Variants in C11orf71 observed in about 807,000 individuals in gnomAD.
C11orf71 encodes chromosome 11 open reading frame 71, also known as uncharacterized protein C11orf71.
For missense variants in C11orf71, 179 were observed against 167.6 expected (o/e 1.07, Z -0.38); for synonymous variants, 72 against 73.4 (o/e 0.98, Z 0.09).
At chr11:114,394,277 C>CTTTTCTCTTA (rs1946110202), downstream of C11orf71, among the ~76,000 whole-genome samples, 2 of 69,010 alleles carry the variant, frequency 2.9e-5, no homozygotes, top group Non-Finnish European at 5.2e-5. Context: ...CTTTTCTTTT[C>CTTTTCTCTTA]TTTTCTTTTC....
intron 1 of C11orf71, among the ~76,000 whole-genome samples, chr11:114,392,368 T>C (rs1946079322): frequency 6.6e-6 from 1 of 151,436 alleles, no homozygotes; most frequent in African/African-American, 2.4e-5. Flanking sequence ...TGAAATCCCG[T>C]CTCTACTAAA....
downstream of C11orf71, among the ~76,000 whole-genome samples, chr11:114,395,688 C>A (rs1310983605): frequency 6.6e-6 from 1 of 152,160 alleles, no homozygotes; most frequent in Non-Finnish European, 1.5e-5. Context: ...TTGCACTCAC[C>A]TGTATTCATC....
downstream of C11orf71, among the ~76,000 whole-genome samples, chr11:114,394,435 C>G (rs1207846903): frequency 6.6e-6 from 1 of 151,964 alleles, no homozygotes; most frequent in Non-Finnish European, 1.5e-5. Context: ...GCTGGGATTA[C>G]AGGCACCTGC....
At position 114,392,688 on chromosome 11, in the gene C11orf71, C is replaced by T. The variant is rs73554011; in HGVS notation, c.344-1023G>A. ...CAAGGTTACAGTGAGCCATGATCAC[C>T]GCACTGCACCCCAGAGCCTGAGCAA... On this transcript the variant is annotated intron_variant, in intron 1 of 1. Transcript: ENST00000325636. Among the ~76,000 whole-genome samples the T allele has an allele frequency of 9.8e-3, 1,469 of 150,492 alleles. 30 individuals are homozygous for T. Among genetic ancestry groups the T allele is most frequent in the African/African-American group, 0.034 (1,390 of 40,906 alleles).
At chr11:114,391,483 T>A (rs1324747784) in exon 2 of C11orf71, 3 of 717,574 alleles carry the variant, frequency 4.2e-6, no homozygotes, top group African/African-American at 1.8e-5. Flanking sequence ...TTCATTCATA[T>A]AGGTAAGATC....
rs201187097 is a variant in C11orf71, at chr11:114,391,715, C to T, written c.344-50G>A. The T allele has an allele frequency of 1.5e-3, 1,171 of 756,258 alleles. 3 individuals carry two copies. The highest frequency in any genetic ancestry group is 8.4e-3 in the Middle Eastern group (35 of 4,156). The allele number at this position is 756,258 out of a possible 1,614,324, so 46.8% of individuals were successfully genotyped here. On this transcript the variant is annotated intron_variant, in intron 1 of 1. Transcript: ENST00000325636. ...ATAAGATGGCAGGGAGTGGTGGTAA[C>T]CAAAAATGCATGTCCCAGCAAAAGG... is the stretch of plus-strand genomic sequence containing the variant.
downstream of C11orf71, among the ~76,000 whole-genome samples, chr11:114,394,179 G>GTTTCTTTTCTTTTCT (rs1226365240): frequency 5.6e-3 from 448 of 80,200 alleles, 16 homozygotes; most frequent in South Asian, 0.014. Flanking sequence ...ACGGGGTTTC[G>GTTTCTTTTCTTTTCT]TTTCTTTTCT....
downstream of C11orf71, among the ~76,000 whole-genome samples, chr11:114,394,262 C>CTTTTCTTTTCTT (rs1946107679): frequency 7.8e-4 from 51 of 65,162 alleles, 2 homozygotes; most frequent in Admixed American, 8.7e-3. Flanking sequence ...CTTTTCTTTT[C>CTTTTCTTTTCTT]TTTTCTTTTC....
downstream of C11orf71, among the ~76,000 whole-genome samples, chr11:114,393,851 G>T (rs982582655): frequency 3.9e-5 from 6 of 152,156 alleles, no homozygotes; most frequent in Admixed American, 2.6e-4. Flanking sequence ...ATTTTTACCT[G>T]TTGGACCACA....
At chr11:114,397,861 T>A (rs548561048), downstream of C11orf71, among the ~76,000 whole-genome samples, 24 of 152,334 alleles carry the variant, frequency 1.6e-4, no homozygotes, top group South Asian at 3.3e-3. Flanking sequence ...AGTGCCCTCA[T>A]TTGCTGATAT....
chr11:114,393,181 A>T (rs1218320934), intron 1 of C11orf71, among the ~76,000 whole-genome samples: 1 of 152,254 alleles, frequency 6.6e-6, no homozygotes, highest in Non-Finnish European at 1.5e-5. Context: ...ACAACAACTT[A>T]ACATTGTTTG....
Position 114,398,983 on chromosome 11 carries a change from C to T in C11orf71, c.*977G>A, listed in dbSNP as rs866606059. On this transcript the variant is annotated 3_prime_UTR_variant, in exon 1 of 1. Coordinates refer to ENST00000623205, the MANE Select transcript of C11orf71 (RefSeq NM_001271562.2). ...ATTGGGAAATGTATGGTTAAGAGAACAAAAATAACAGCAAATAAGGAGTGA... is the reference window on the plus strand; with the variant it reads ...ATTGGGAAATGTATGGTTAAGAGAATAAAAATAACAGCAAATAAGGAGTGA... 7.7e-6 allele frequency: 1 copy of T among 129,620 alleles called. No homozygotes were observed. 8.0% of individuals were successfully genotyped at this position (129,620 alleles called of 1,614,324 possible).
downstream of C11orf71, among the ~76,000 whole-genome samples, chr11:114,394,243 T>C (rs954421439): frequency 5.2e-3 from 274 of 52,216 alleles, 1 homozygote; most frequent in Non-Finnish European, 5.7e-3. Context: ...TTTTCTTTTC[T>C]TTTCTTTTCT....
downstream of C11orf71, among the ~76,000 whole-genome samples, chr11:114,395,336 T>A (rs1946123135): frequency 6.6e-6 from 1 of 152,180 alleles, no homozygotes; most frequent in Non-Finnish European, 1.5e-5. Context: ...TCTAGATGGA[T>A]AAAAGTTTAA....
At position 114,400,038 on chromosome 11, in the gene C11orf71, T is replaced by C; in HGVS notation, c.294A>G (p.Glu98=). ...RFSPYPIPAV[E]PDLLRSVLQQ... is the part of the protein sequence containing the mutation. ...GCAGCACACTTCTTAGGAGATCGGGTTCAACGGCAGGGATTGGGTAAGGTG... is the reference window on the plus strand; with the variant it reads ...GCAGCACACTTCTTAGGAGATCGGGCTCAACGGCAGGGATTGGGTAAGGTG... Residue 98 remains glutamate, a synonymous_variant, in exon 1 of 1, where the codon GAA becomes GAG. Coordinates refer to ENST00000623205, the MANE Select transcript of C11orf71 (RefSeq NM_001271562.2). 6.2e-7 allele frequency: 1 copy of C among 1,613,806 alleles called. No individual in the cohort carries two copies. Among genetic ancestry groups the C allele is most frequent in the Non-Finnish European group, 8.5e-7 (1 of 1,179,828 alleles).
downstream of C11orf71, among the ~76,000 whole-genome samples, chr11:114,397,759 T>G (rs1038006329): frequency 1.2e-4 from 19 of 152,302 alleles, no homozygotes; most frequent in African/African-American, 4.3e-4. Context: ...AATGCATATT[T>G]AGTGCTGAAT....
chr11:114,393,146 C>T (rs186311312), intron 1 of C11orf71, among the ~76,000 whole-genome samples: 40 of 152,352 alleles, frequency 2.6e-4, no homozygotes, highest in Non-Finnish European at 4.7e-4. Context: ...ACATGCCACA[C>T]TTATAGGGTG....
intron 1 of C11orf71, among the ~76,000 whole-genome samples, chr11:114,393,434 A>G (rs537299198): frequency 9.2e-5 from 14 of 152,360 alleles, no homozygotes; most frequent in Admixed American, 5.9e-4. Context: ...CAATGTAATG[A>G]CAGGCTAAAA....
Position 114,399,104 on chromosome 11 carries a change from C to T in C11orf71, c.*856G>A, listed in dbSNP as rs143803426. 2.6e-5 allele frequency: 4 copies of T among 151,148 alleles called. No homozygotes were observed. Among genetic ancestry groups the T allele is most frequent in the African/African-American group, 9.7e-5 (4 of 41,202 alleles). The allele number at this position is 151,148 out of a possible 1,614,324, so 9.4% of individuals were successfully genotyped here. A position where few individuals can be genotyped will look rare whatever the true frequency, so the allele number is the denominator to read the frequency against. ...ACCAGTACTTATGTTTATTACTGTACCTAATAAACAGCCCAGCGTGGTGAT... is the reference window on the plus strand; with the variant it reads ...ACCAGTACTTATGTTTATTACTGTATCTAATAAACAGCCCAGCGTGGTGAT... On this transcript the variant is annotated 3_prime_UTR_variant, in exon 1 of 1. Coordinates refer to ENST00000623205, the MANE Select transcript of C11orf71 (RefSeq NM_001271562.2).
Sources: allele counts gnomAD v4.1 joint callset (sites outside exome capture counted in the v4.1 genomes callset), GRCh38; gene constraint gnomAD v4.1.1; transcripts MANE v1.5; gene names NCBI Gene and HGNC (gene_info 2026-07-23, HGNC 2026-07-21).